The following IMPA2 variants were observed in gnomAD, a reference collection of about 807,000 sequenced individuals.
IMPA2 encodes the protein IMP 2.
In IMPA2, 32 loss-of-function variants were observed where a neutral mutation model predicts 35.1. That is an observed-to-expected ratio of 0.91 (90% CI 0.69 to 1.23). The LOEUF is 1.23. Ranked by LOEUF, IMPA2 falls within the 50% of genes most tolerant of loss-of-function variation. IMPA2 has a pLI of 0.00. For missense variants in IMPA2, 334 were observed against 387.6 expected (o/e 0.86, Z 1.16); for synonymous variants, 135 against 160.6 (o/e 0.84, Z 1.20).
At chr18:11,983,523 A>G (rs1906566415) in intron 1 of IMPA2, among the ~76,000 whole-genome samples, 1 of 152,218 alleles carries the variant, frequency 6.6e-6, no homozygotes, top group African/African-American at 2.4e-5. Context: ...TATTTAACAA[A>G]TGTGCATAAA....
chr18:12,002,873 A>G (rs1332747556), intron 2 of IMPA2, among the ~76,000 whole-genome samples: 2 of 152,034 alleles, frequency 1.3e-5, no homozygotes, highest in Non-Finnish European at 1.5e-5. Context: ...AGCCTGGGCA[A>G]CAGAGTGAGA....
At chr18:12,006,518 C>T (rs1907251410) in intron 2 of IMPA2, among the ~76,000 whole-genome samples, 1 of 152,228 alleles carries the variant, frequency 6.6e-6, no homozygotes, top group South Asian at 2.1e-4. Flanking sequence ...CCCAGGCTCT[C>T]CAGGAACAGC....
Position 11,991,359 on chromosome 18 carries a change from G to A in IMPA2, c.97-7695G>A, listed in dbSNP as rs1785997798. Reference sequence around the variant, plus strand: ...GGATTCGAGAGCCTGAGGTGGGCTGGCCTGGGAGCCACGTCTGCTTGGACC... The same window carrying A: ...GGATTCGAGAGCCTGAGGTGGGCTGACCTGGGAGCCACGTCTGCTTGGACC... On this transcript the variant is annotated intron_variant, in intron 1 of 7. Coordinates refer to ENST00000269159, the MANE Select transcript of IMPA2 (RefSeq NM_014214.3). The surrounding 1 kb of genome is among the most constrained non-coding windows in gnomAD (Gnocchi z 4.1). 1.3e-5 allele frequency among the ~76,000 whole-genome samples: 2 copies of A among 152,182 alleles called. No individual in the cohort carries two copies. The highest frequency in any genetic ancestry group is 4.8e-5 in the African/African-American group (2 of 41,436).
chr18:12,015,015 A>G (rs1907539471), intron 5 of IMPA2, among the ~76,000 whole-genome samples: 4 of 152,312 alleles, frequency 2.6e-5, no homozygotes, highest in African/African-American at 7.2e-5. Flanking sequence ...CCTTTCTCCC[A>G]CATGGATGAA....
rs897346164 is a variant in IMPA2 at position 12,014,286 on chromosome 18, C to T, written c.403C>T (p.His135Tyr). The T allele has an allele frequency of 4.3e-6, 7 of 1,613,896 alleles. No individual in the cohort carries two copies. The highest frequency in any genetic ancestry group is 3.3e-5 in the Admixed American group (2 of 60,008). The change falls in exon 5 of 8, where the codon CAC becomes TAC. Residue 135 changes from histidine (H) to tyrosine (Y), a missense_variant. By Grantham distance (83) the His-to-Tyr change is moderately conservative (BLOSUM62 2). Coordinates refer to ENST00000269159, the MANE Select transcript of IMPA2 (RefSeq NM_014214.3). ...ACAGCTTGAATTCGGAGTGATTTAC[C>T]ACTGCACAGAGGAGCGGCTGTACAC... is the stretch of plus-strand genomic sequence containing the variant. ...RQELEFGVIY[H>Y]CTEERLYTGR... is the part of the protein sequence containing the mutation.
At chr18:12,019,883 T>A (rs11664580) in intron 5 of IMPA2, among the ~76,000 whole-genome samples, 60,124 of 150,924 alleles carry the variant, frequency 0.4, 13,993 homozygotes, top group Non-Finnish European at 0.53. Context: ...AATAAAAAAA[T>A]ATATATATTT....
At position 12,009,807 on chromosome 18, in the gene IMPA2, T is replaced by C. The variant is rs933468277; in HGVS notation, c.231-76T>C. 9.6e-5 allele frequency: 103 copies of C among 1,072,834 alleles called. No homozygotes were observed. The South Asian group carries it at 1.1e-3, about 12-fold the overall frequency. 66.5% of individuals were successfully genotyped at this position (1,072,834 alleles called of 1,614,324 possible). A position where few individuals can be genotyped will look rare whatever the true frequency, so the allele number is the denominator to read the frequency against. ...TTTGCTGTGCCACCTTTTTCTTTAA[T>C]GGGACTGGAAGCAATTTCAGGCACG... On this transcript the variant is annotated intron_variant, in intron 2 of 7. Coordinates refer to ENST00000269159, the MANE Select transcript of IMPA2 (RefSeq NM_014214.3).
intron 2 of IMPA2, among the ~76,000 whole-genome samples, chr18:12,006,824 CT>C (rs1191489454): frequency 6.6e-6 from 1 of 152,094 alleles, no homozygotes; most frequent in Non-Finnish European, 1.5e-5. Context: ...TGTATGGCAG[CT>C]CCCGTGCATA....
At chr18:11,995,303 G>A (rs1390629717) in intron 1 of IMPA2, among the ~76,000 whole-genome samples, 3 of 152,248 alleles carry the variant, frequency 2.0e-5, no homozygotes, top group Admixed American at 6.5e-5. Flanking sequence ...AATGGGACAC[G>A]AGGAAGTGCA....
At chr18:11,986,407 C>G (rs544978617) in intron 1 of IMPA2, among the ~76,000 whole-genome samples, 2 of 152,282 alleles carry the variant, frequency 1.3e-5, no homozygotes, top group Admixed American at 6.5e-5. Flanking sequence ...TTCCAGTGCC[C>G]CACCTGGTCC....
At chr18:12,001,865 T>C (rs759527016) in intron 2 of IMPA2, among the ~76,000 whole-genome samples, 16 of 152,072 alleles carry the variant, frequency 1.1e-4, no homozygotes, top group Non-Finnish European at 1.9e-4. Context: ...AAATCTGGGG[T>C]TCCCAAGCTC....
chr18:11,983,074 G>A (rs662383), intron 1 of IMPA2, among the ~76,000 whole-genome samples: 57,192 of 151,872 alleles, frequency 0.38, 14,068 homozygotes, highest in African/African-American at 0.7. Context: ...TTTGTTGAAG[G>A]GCCTTCCTTC....
intron 5 of IMPA2, among the ~76,000 whole-genome samples, chr18:12,024,161 T>C (rs1233225631): frequency 2.0e-5 from 3 of 152,226 alleles, no homozygotes; most frequent in Non-Finnish European, 4.4e-5. Context: ...AGTAAGATAC[T>C]GATGGCAAAA....
At chr18:12,021,708 G>A (rs1000236548) in intron 5 of IMPA2, 7 of 152,098 alleles carry the variant, frequency 4.6e-5, no homozygotes, top group African/African-American at 1.7e-4. Context: ...GTAGAGATGG[G>A]GCTTCGCCAT....
In IMPA2 at chr18:11,993,983, G is replaced by A. The variant is rs752551022; in HGVS notation, c.97-5071G>A. On this transcript the variant is annotated intron_variant, in intron 1 of 7. Transcript: ENST00000269159. ...GCTGGTAGGAGGTACAGGCATGTTC[G>A]AGCCCCATGGCCTTCCTTATGACAC... 5 of 152,340 alleles carry A rather than the reference G, an allele frequency of 3.3e-5. 1 individual carries two copies. Among genetic ancestry groups the A allele is most frequent in the African/African-American group, 1.2e-4 (5 of 41,574 alleles). 9.4% of individuals were successfully genotyped at this position (152,340 alleles called of 1,614,324 possible). A position where few individuals can be genotyped will look rare whatever the true frequency, so the allele number is the denominator to read the frequency against.
Position 11,999,123 on chromosome 18 carries a change from G to A in IMPA2, c.166G>A (p.Glu56Lys). The stretch of plus-strand genomic sequence containing the variant: ...AACATCAGCTGCAGATCTTGTGACA[G>A]AAACAGATCACCTTGTGGAAGATTT... The part of the protein sequence containing the change: ...TKTSAADLVT[E>K]TDHLVEDLII... The change falls in exon 2 of 8, where the codon GAA becomes AAA. Residue 56 changes from glutamate to lysine, a missense_variant. By Grantham distance (56) the Glu-to-Lys change is moderately conservative (BLOSUM62 1). Transcript: ENST00000269159. 6.2e-7 allele frequency: 1 copy of A among 1,613,828 alleles called. No homozygotes were observed. The highest frequency in any genetic ancestry group is 8.5e-7 in the Non-Finnish European group (1 of 1,179,792).
At chr18:12,009,159 C>A (rs2143803090) in intron 2 of IMPA2, among the ~76,000 whole-genome samples, 1 of 152,286 alleles carries the variant, frequency 6.6e-6, no homozygotes, top group South Asian at 2.1e-4. Flanking sequence ...CATCTGTAGT[C>A]CCAGCTACTT....
intron 2 of IMPA2, among the ~76,000 whole-genome samples, chr18:11,999,868 A>G (rs938598786): frequency 6.6e-6 from 1 of 152,258 alleles, no homozygotes; most frequent in Non-Finnish European, 1.5e-5. Context: ...TAAGGGAGCC[A>G]TGAACCCCAG....
intron 1 of IMPA2, among the ~76,000 whole-genome samples, chr18:11,990,775 C>T (rs1906790501): frequency 6.6e-6 from 1 of 152,196 alleles, no homozygotes; most frequent in Non-Finnish European, 1.5e-5. Context: ...GCCGTGGGGT[C>T]GGCTCTGTTT....
Sources: allele counts gnomAD v4.1 joint callset (sites outside exome capture counted in the v4.1 genomes callset), GRCh38; gene constraint gnomAD v4.1.1; non-coding constraint Gnocchi (gnomAD v3.1); transcripts MANE v1.5; gene names NCBI Gene and HGNC (gene_info 2026-07-23, HGNC 2026-07-21).